The following CCN2 variants were observed in gnomAD, a reference collection of about 807,000 sequenced individuals.
CCN2 encodes the protein cellular communication network factor 2.
Under a neutral mutation model 33.2 loss-of-function variants are expected in CCN2, and 22 were observed. That is an observed-to-expected ratio of 0.66 (90% CI 0.47 to 0.95). The LOEUF is 0.95. Ranked by LOEUF, CCN2 falls within the 40% of genes least tolerant of loss-of-function variation. The pLI is 0.00. For synonymous variants in CCN2, 178 were observed against 200.6 expected (o/e 0.89, Z 0.95); for missense variants, 469 against 498.8 (o/e 0.94, Z 0.57).
At chr6:131,951,046 C>T in intron 1 of CCN2, 54 bp from the exon 2 acceptor site, 2 of 1,261,158 alleles carry the variant, frequency 1.6e-6, no homozygotes, top group South Asian at 2.8e-5. Flanking sequence ...ACGCCCTCCC[C>T]GGCCGGCCCC....
At chr6:131,951,020 C>T (rs1783101894) in intron 1 of CCN2, 28 bp from the exon 2 acceptor site, 2 of 1,257,624 alleles carry the variant, frequency 1.6e-6, no homozygotes, top group East Asian at 3.4e-5. Flanking sequence ...CGGTCAGCGG[C>T]GCTCGGTCGG....
chr6:131,950,043 C>G lies in CCN2; in HGVS notation c.659G>C (p.Arg220Pro). 1 of 1,614,228 alleles carries G rather than the reference C, an allele frequency of 6.2e-7. No individual in the cohort carries two copies. The highest frequency in any genetic ancestry group is 8.5e-7 in the Non-Finnish European group (1 of 1,180,036). ...GCAGGAGGCGTTGTCATTGGTAACC[C>G]GGGTGGAGATGCCCATCCCACAGGT... ...SKTCGMGISTRVTNDNASCRL... is the reference protein window; with the variant it reads ...SKTCGMGISTPVTNDNASCRL... Residue 220 changes from arginine (R) to proline (P), a missense_variant, in exon 4 of 5, where the codon CGG becomes CCG. Arg to Pro is a moderately radical substitution (Grantham distance 103, BLOSUM62 -2). Coordinates refer to ENST00000367976, the MANE Select transcript of CCN2 (RefSeq NM_001901.4). The surrounding 1 kb of genome is among the most constrained non-coding windows in gnomAD (Gnocchi z 7.1).
chr6:131,949,874 G>A (rs1028326194), intron 4 of CCN2, 75 bp downstream of exon 4: 39 of 1,403,258 alleles, frequency 2.8e-5, no homozygotes, highest in Non-Finnish European at 3.7e-5. Context: ...ACTAACAAGC[G>A]TGGCAAGAGC....
chr6:131,951,140 G>T lies in CCN2; in HGVS notation c.33C>A (p.Val11=). The T allele has an allele frequency of 7.4e-7, 1 of 1,348,004 alleles. No individual in the cohort carries two copies. The highest frequency in any genetic ancestry group is 2.5e-4 in the Middle Eastern group (1 of 4,054). The allele number at this position is 1,348,004 out of a possible 1,614,324, so 83.5% of individuals were successfully genotyped here. Residue 11 remains valine (V), a synonymous_variant, in exon 1 of 5, where the codon GTC becomes GTA. Transcript: ENST00000367976. ...AGAGGGCGAGGAGGACCACGAAGGC[G>T]ACGCGGACGGGGCCCATACTGGCGG... MTAASMGPVR[V]AFVVLLALCS... is the part of the protein sequence containing the mutation.
Position 131,950,756 on chromosome 6 carries a change from G to T in CCN2, c.289+14C>A. 3 of 1,531,234 alleles carry T rather than the reference G, an allele frequency of 2.0e-6. No homozygotes were observed. Among genetic ancestry groups the T allele is most frequent in the Non-Finnish European group, 2.6e-6 (3 of 1,144,196 alleles). 94.9% of individuals were successfully genotyped at this position (1,531,234 alleles called of 1,614,324 possible). ...GGCGGCCGGACACCTAGCGGTGGGG[G>T]CTGCGGGTCTTACCGGTGCACACGC... On this transcript the variant is annotated intron_variant, in intron 2 of 4. Coordinates refer to ENST00000367976, the MANE Select transcript of CCN2 (RefSeq NM_001901.4). The surrounding 1 kb of genome is among the most constrained non-coding windows in gnomAD (Gnocchi z 7.1).
chr6:131,950,022 G>T lies in CCN2; in HGVS notation c.680C>A (p.Ser227Tyr), dbSNP rs1387256435. The change falls in exon 4 of 5, where the codon TCC becomes TAC. Residue 227 changes from serine to tyrosine, a missense_variant. Coordinates refer to ENST00000367976, the MANE Select transcript of CCN2 (RefSeq NM_001901.4). The surrounding 1 kb of genome is among the most constrained non-coding windows in gnomAD (Gnocchi z 7.1). ...ISTRVTNDNA[S>Y]CRLEKQSRLC... The stretch of plus-strand genomic sequence containing the variant: ...GCGGCTCTGCTTCTCTAGCCTGCAG[G>T]AGGCGTTGTCATTGGTAACCCGGGT... 3 of 1,614,222 alleles carry T rather than the reference G, an allele frequency of 1.9e-6. No homozygotes were observed. The South Asian group carries it at 3.3e-5, about 18-fold the overall frequency.
chr6:131,950,497 G>A lies in CCN2; in HGVS notation c.336C>T (p.Ser112=), dbSNP rs1437272400. ...PCIFGGTVYR[S]GESFQSSCKY... ...TGCAGCTGCTCTGGAAGGACTCTCC[G>A]CTGCGGTACACCGTACCACCGAAGA... Residue 112 remains serine, a synonymous_variant, in exon 3 of 5, where the codon AGC becomes AGT. Transcript: ENST00000367976. The surrounding 1 kb of genome is among the most constrained non-coding windows in gnomAD (Gnocchi z 7.1). The A allele has an allele frequency of 2.5e-6, 4 of 1,613,700 alleles. No individual in the cohort carries two copies. Among genetic ancestry groups the A allele is most frequent in the Non-Finnish European group, 3.4e-6 (4 of 1,180,036 alleles).
At position 131,950,556 on chromosome 6, in the gene CCN2, A is replaced by T. The variant is rs1188734157; in HGVS notation, c.290-13T>A. On this transcript the variant is annotated splice_polypyrimidine_tract_variant and intron_variant, in intron 2 of 4. Transcript: ENST00000367976. The surrounding 1 kb of genome is among the most constrained non-coding windows in gnomAD (Gnocchi z 7.1). Reference sequence around the variant, plus strand: ...GCACCATCTTTGGCTGGAGAAGAGGAAGGGAAGAGAGGGGTGGGGGATGCA... The same window carrying T: ...GCACCATCTTTGGCTGGAGAAGAGGTAGGGAAGAGAGGGGTGGGGGATGCA... 6.2e-7 allele frequency: 1 copy of T among 1,611,110 alleles called. No homozygotes were observed. The highest frequency in any genetic ancestry group is 1.1e-5 in the South Asian group (1 of 90,888).
chr6:131,950,758 T>TGCG lies in CCN2; in HGVS notation c.289+9_289+11dup. 6.5e-7 allele frequency: 1 copy of TGCG among 1,533,542 alleles called. No individual in the cohort carries two copies. The highest frequency in any genetic ancestry group is 2.0e-5 in the Admixed American group (1 of 50,790). The allele number at this position is 1,533,542 out of a possible 1,614,324, so 95.0% of individuals were successfully genotyped here. A position where few individuals can be genotyped will look rare whatever the true frequency, so the allele number is the denominator to read the frequency against. On this transcript the variant is annotated intron_variant, in intron 2 of 4. Coordinates refer to ENST00000367976, the MANE Select transcript of CCN2 (RefSeq NM_001901.4). This position sits in a 1 kb window ranked among gnomAD's most constrained non-coding sequence, Gnocchi z 7.1. ...CGGCCGGACACCTAGCGGTGGGGGC[T>TGCG]GCGGGTCTTACCGGTGCACACGCCG...
Position 131,951,275 on chromosome 6 carries a change from G to A in CCN2, c.-103C>T, listed in dbSNP as rs1230601452. 7 of 1,045,692 alleles carry A rather than the reference G, an allele frequency of 6.7e-6. No homozygotes were observed. The highest frequency in any genetic ancestry group is 8.5e-6 in the Non-Finnish European group (7 of 822,456). The allele number at this position is 1,045,692 out of a possible 1,614,324, so 64.8% of individuals were successfully genotyped here. ...CGGAGGTGGGGACCGGGACGCGCCG[G>A]GCTGTCGTCTCGGGGCTGTCGGCCG... On this transcript the variant is annotated 5_prime_UTR_variant, in exon 1 of 5. Transcript: ENST00000367976.
chr6:131,951,014 C>T, intron 1 of CCN2, 22 bp from the exon 2 acceptor site: 1 of 1,264,292 alleles, frequency 7.9e-7, no homozygotes, highest in Non-Finnish European at 9.9e-7. Flanking sequence ...ACAGGGCGGT[C>T]AGCGGCGCTC....
At position 131,951,247 on chromosome 6, in the gene CCN2, G is replaced by A. The variant is rs1391276925; in HGVS notation, c.-75C>T. 8.3e-7 allele frequency: 1 copy of A among 1,203,494 alleles called. No homozygotes were observed. Among genetic ancestry groups the A allele is most frequent in the Non-Finnish European group, 1.0e-6 (1 of 960,406 alleles). 74.6% of individuals were successfully genotyped at this position (1,203,494 alleles called of 1,614,324 possible). On this transcript the variant is annotated 5_prime_UTR_variant, in exon 1 of 5. Coordinates refer to ENST00000367976, the MANE Select transcript of CCN2 (RefSeq NM_001901.4). The stretch of plus-strand genomic sequence containing the variant: ...CGGCGGGGCCTGGAGCGCTGGCGGT[G>A]GTCGGAGGTGGGGACCGGGACGCGC...
chr6:131,950,624 A>G lies in CCN2; in HGVS notation c.290-81T>C, dbSNP rs1231315423. On this transcript the variant is annotated intron_variant, in intron 2 of 4. Coordinates refer to ENST00000367976, the MANE Select transcript of CCN2 (RefSeq NM_001901.4). This position sits in a 1 kb window ranked among gnomAD's most constrained non-coding sequence, Gnocchi z 7.1. The stretch of plus-strand genomic sequence containing the variant: ...CACTCTCACATCCAGAGCGTCAGGG[A>G]TGCGAGTTGGGATCTGGGCTGCAGG... The G allele has an allele frequency of 2.6e-6, 4 of 1,565,362 alleles. No individual in the cohort carries two copies. The highest frequency in any genetic ancestry group is 3.5e-6 in the Non-Finnish European group (4 of 1,151,472).
intron 1 of CCN2, 50 bp downstream of exon 1, chr6:131,951,057 G>C (rs1294571220): frequency 7.8e-7 from 1 of 1,278,576 alleles, no homozygotes; most frequent in Non-Finnish European, 9.8e-7. Context: ...GGCCGGCCCC[G>C]AGTCCCTCCC....
rs749081361 is a variant in CCN2 at position 131,949,319 on chromosome 6, T to C, written c.995A>G (p.Asp332Gly). The C allele has an allele frequency of 6.2e-7, 1 of 1,614,228 alleles. No homozygotes were observed. Among genetic ancestry groups the C allele is most frequent in the Non-Finnish European group, 8.5e-7 (1 of 1,180,028 alleles). The change falls in exon 5 of 5, where the codon GAC becomes GGC. Residue 332 changes from aspartate (D) to glycine (G), a missense_variant. Asp to Gly is a moderately conservative substitution (Grantham distance 94). Coordinates refer to ENST00000367976, the MANE Select transcript of CCN2 (RefSeq NM_001901.4). ...GTACAGCGATTCAAAGATGTCATTG[T>C]CTCCGGGACAGTTGTAATGGCAGGC... ...TCACHYNCPG[D>G]NDIFESLYYR...
chr6:131,948,642 T>TACACAC lies in CCN2; in HGVS notation c.*616_*621dup, dbSNP rs35220939. On this transcript the variant is annotated 3_prime_UTR_variant, in exon 5 of 5. Transcript: ENST00000367976. The stretch of plus-strand genomic sequence containing the variant: ...AGATAACTGTACATATATATATATA[T>TACACAC]ACACACACACACACACACACAATAT... 8.6e-5 allele frequency: 13 copies of TACACAC among 151,294 alleles called. No homozygotes were observed. The highest frequency in any genetic ancestry group is 2.7e-4 in the African/African-American group (11 of 40,768). The allele number at this position is 151,294 out of a possible 1,614,324, so 9.4% of individuals were successfully genotyped here. A position where few individuals can be genotyped will look rare whatever the true frequency, so the allele number is the denominator to read the frequency against.
Position 131,951,003 on chromosome 6 carries a change from G to T in CCN2, c.67-11C>A. On this transcript the variant is annotated splice_polypyrimidine_tract_variant and intron_variant, in intron 1 of 4. Transcript: ENST00000367976. ...CTGGCCGACGGCCGGCTGCAGGGAG[G>T]ACAGGGCGGTCAGCGGCGCTCGGTC... 7.8e-7 allele frequency: 1 copy of T among 1,287,558 alleles called. No homozygotes were observed. Among genetic ancestry groups the T allele is most frequent in the African/African-American group, 1.6e-5 (1 of 64,114 alleles). 79.8% of individuals were successfully genotyped at this position (1,287,558 alleles called of 1,614,324 possible).
At position 131,950,567 on chromosome 6, in the gene CCN2, G is replaced by A. The variant is rs201855649; in HGVS notation, c.290-24C>T. 2.5e-5 allele frequency: 41 copies of A among 1,608,688 alleles called. No individual in the cohort carries two copies. Among genetic ancestry groups the A allele is most frequent in the Middle Eastern group, 1.6e-4 (1 of 6,064 alleles). ...GGCTGGAGAAGAGGAAGGGAAGAGA[G>A]GGGTGGGGGATGCAGAGGTCAGGCA... is the stretch of plus-strand genomic sequence containing the variant. On this transcript the variant is annotated intron_variant, in intron 2 of 4. Transcript: ENST00000367976. This position sits in a 1 kb window ranked among gnomAD's most constrained non-coding sequence, Gnocchi z 7.1.
In CCN2 at chr6:131,949,383, C is replaced by T; in HGVS notation, c.931G>A (p.Glu311Lys). 1.2e-6 allele frequency: 2 copies of T among 1,614,140 alleles called. No homozygotes were observed. The highest frequency in any genetic ancestry group is 1.1e-5 in the South Asian group (1 of 91,076). Reference sequence around the variant, plus strand: ...AACATCATGTTCTTCTTCATGACCTCGCCGTCAGGGCACTTGAACTCCACC... The same window carrying T: ...AACATCATGTTCTTCTTCATGACCTTGCCGTCAGGGCACTTGAACTCCACC... ...LPVEFKCPDG[E>K]VMKKNMMFIK... Residue 311 changes from glutamate (E) to lysine (K), a missense_variant, in exon 5 of 5, where the codon GAG (glutamate) becomes AAG (lysine). Transcript: ENST00000367976.
Sources: allele counts gnomAD v4.1 joint callset, GRCh38; gene constraint gnomAD v4.1.1; non-coding constraint Gnocchi (gnomAD v3.1); transcripts MANE v1.5; gene names NCBI Gene and HGNC (gene_info 2026-07-23, HGNC 2026-07-21).